HEBP2: variants seen among roughly 807,000 people sequenced by gnomAD.
HEBP2 encodes the protein heme binding protein 2, also known as heme-binding protein 2.
HEBP2 carries 27 observed loss-of-function variants against 23.1 expected under a neutral mutation model. That is an observed-to-expected ratio of 1.17 (90% CI 0.86 to 1.61). The LOEUF is 1.61. Ranked by LOEUF, HEBP2 falls within the 40% of genes most tolerant of loss-of-function variation. HEBP2 has a pLI of 0.00. For synonymous variants in HEBP2, 99 were observed against 95.1 expected, an observed-to-expected ratio of 1.04 and a Z score of -0.24; for missense variants, 245 against 253.8, an observed-to-expected ratio of 0.97 and a Z score of 0.24.
In HEBP2 at chr6:138,413,714, C is replaced by T. The variant is rs901916007; in HGVS notation, c.*636C>T. On this transcript the variant is annotated 3_prime_UTR_variant, in exon 4 of 4. Coordinates refer to ENST00000607197, the MANE Select transcript of HEBP2 (RefSeq NM_014320.3). Reference sequence around the variant, plus strand: ...CCCTAAACATTTCCCTGAACTGTCACGTATTTTCATTCATTCTTTAACTCA... The same window carrying T: ...CCCTAAACATTTCCCTGAACTGTCATGTATTTTCATTCATTCTTTAACTCA... 5.2e-5 allele frequency: 8 copies of T among 152,392 alleles called. No homozygotes were observed. The highest frequency in any genetic ancestry group is 1.3e-4 in the Admixed American group (2 of 15,302). 9.4% of individuals were successfully genotyped at this position (152,392 alleles called of 1,614,324 possible). A position where few individuals can be genotyped will look rare whatever the true frequency, so the allele number is the denominator to read the frequency against.
rs1774875406 is a variant in HEBP2, at chr6:138,418,778, A to C, written c.*5700A>C. ...AAATGGACCTTCACTCAAAGGTGAC[A>C]TTGAAAAACGGGAAAAAAATTGCAA... On this transcript the variant is annotated 3_prime_UTR_variant, in exon 4 of 4. Transcript: ENST00000607197. 6.6e-6 allele frequency: 1 copy of C among 152,168 alleles called. No homozygotes were observed. Among genetic ancestry groups the C allele is most frequent in the African/African-American group, 2.4e-5 (1 of 41,418 alleles). 9.4% of individuals were successfully genotyped at this position (152,168 alleles called of 1,614,324 possible).
In HEBP2 at chr6:138,405,147, C is replaced by G. The variant is rs1562238617; in HGVS notation, c.105C>G (p.Pro35=). 3 of 1,609,504 alleles carry G rather than the reference C, an allele frequency of 1.9e-6. No individual in the cohort carries two copies. The highest frequency in any genetic ancestry group is 2.5e-6 in the Non-Finnish European group (3 of 1,178,800). The part of the protein sequence containing the change: ...WKAPEDAGPQ[P]GSYEIRHYGP... Reference sequence around the variant, plus strand: ...AAGTTTTCTCTGTTCCACTTTAGCCCGGAAGTTATGAGATCCGACACTATG... The same window carrying G: ...AAGTTTTCTCTGTTCCACTTTAGCCGGGAAGTTATGAGATCCGACACTATG... The change falls in exon 2 of 4, where the codon CCC becomes CCG. Residue 35 remains proline, a splice_region_variant and synonymous_variant. Transcript: ENST00000607197.
rs1194330934 is a variant in HEBP2 at position 138,417,235 on chromosome 6, T to C, written c.*4157T>C. ...TAATCCCTGAATGTATAATTGAGAC[T>C]GACATCCTTGGCAGGCAGAATAACC... On this transcript the variant is annotated 3_prime_UTR_variant, in exon 4 of 4. Transcript: ENST00000607197. The C allele has an allele frequency of 2.6e-5, 4 of 152,246 alleles. No individual in the cohort carries two copies. Among genetic ancestry groups the C allele is most frequent in the African/African-American group, 7.2e-5 (3 of 41,464 alleles). The allele number at this position is 152,246 out of a possible 1,614,324, so 9.4% of individuals were successfully genotyped here.
rs1774805891 is a variant in HEBP2, at chr6:138,414,343, G to A, written c.*1265G>A. ...TCAAAAGCATTTAGGAGTCGAGGGA[G>A]CTTTAGTTGTGGGGATGCAGTTACC... is the stretch of plus-strand genomic sequence containing the variant. On this transcript the variant is annotated 3_prime_UTR_variant, in exon 4 of 4. Transcript: ENST00000607197. The A allele has an allele frequency of 6.6e-6, 1 of 152,228 alleles. No individual in the cohort carries two copies. The highest frequency in any genetic ancestry group is 2.1e-4 in the South Asian group (1 of 4,834). 9.4% of individuals were successfully genotyped at this position (152,228 alleles called of 1,614,324 possible).
chr6:138,405,324 C>A, intron 2 of HEBP2, 44 bp downstream of exon 2: 1 of 1,606,336 alleles, frequency 6.2e-7, no homozygotes, highest in Non-Finnish European at 8.5e-7. Context: ...GTGAAAGAGT[C>A]CCCGGGCTTA....
chr6:138,411,352 T>C (rs1428613353), intron 3 of HEBP2, among the ~76,000 whole-genome samples: 1 of 152,228 alleles, frequency 6.6e-6, no homozygotes, highest in Non-Finnish European at 1.5e-5. Flanking sequence ...ATTATATGTC[T>C]GCCTATATTC....
In HEBP2 at chr6:138,420,962, A is replaced by G. The variant is rs1289502401; in HGVS notation, c.*7884A>G. The G allele has an allele frequency of 3.3e-5, 5 of 152,042 alleles. No homozygotes were observed. Among genetic ancestry groups the G allele is most frequent in the Non-Finnish European group, 5.9e-5 (4 of 67,998 alleles). 9.4% of individuals were successfully genotyped at this position (152,042 alleles called of 1,614,324 possible). On this transcript the variant is annotated 3_prime_UTR_variant, in exon 4 of 4. Transcript: ENST00000607197. ...TAGCACATGAGAAGCATTTATTAGG[A>G]CTTTTTTTCCCCCATTGCTGAACAA... is the stretch of plus-strand genomic sequence containing the variant.
rs1774866596 is a variant in HEBP2, at chr6:138,418,043, A to G, written c.*4965A>G. Reference sequence around the variant, plus strand: ...ACTAATTTCAAGAAACTTAACTGTGAATCAGAATAAAACCCAATACCATTT... The same window carrying G: ...ACTAATTTCAAGAAACTTAACTGTGGATCAGAATAAAACCCAATACCATTT... On this transcript the variant is annotated 3_prime_UTR_variant, in exon 4 of 4. Transcript: ENST00000607197. 6.6e-6 allele frequency: 1 copy of G among 152,224 alleles called. No individual in the cohort carries two copies. Among genetic ancestry groups the G allele is most frequent in the African/African-American group, 2.4e-5 (1 of 41,454 alleles). 9.4% of individuals were successfully genotyped at this position (152,224 alleles called of 1,614,324 possible).
At chr6:138,407,716 C>G (rs1294059947) in intron 3 of HEBP2, among the ~76,000 whole-genome samples, 1 of 152,218 alleles carries the variant, frequency 6.6e-6, no homozygotes, top group Non-Finnish European at 1.5e-5. Context: ...GGTCACATAC[C>G]CAAGGCCCTG....
At chr6:138,408,147 AG>A (rs1377552530) in intron 3 of HEBP2, among the ~76,000 whole-genome samples, 1 of 152,156 alleles carries the variant, frequency 6.6e-6, no homozygotes, top group Non-Finnish European at 1.5e-5. Context: ...TCCTTATCAA[AG>A]GGTTGCTTGG....
In HEBP2 at chr6:138,406,080, A is replaced by G. The variant is rs1480383483; in HGVS notation, c.348A>G (p.Gln116=). The G allele has an allele frequency of 1.2e-6, 2 of 1,614,062 alleles. No homozygotes were observed. Among genetic ancestry groups the G allele is most frequent in the Admixed American group, 1.7e-5 (1 of 60,014 alleles). The change falls in exon 3 of 4, where the codon CAA becomes CAG. Residue 116 remains glutamine, a synonymous_variant. Transcript: ENST00000607197. ...TISLYIPSEQ[Q]FDPPRPLESD... ...CCCTGTATATTCCCTCTGAACAGCA[A>G]TTTGATCCACCCAGGCCTTTAGAGT...
Position 138,413,015 on chromosome 6 carries a change from G to A in HEBP2, c.555G>A (p.Leu185=). ...YTAGYNSPVK[L]LNRNNEVWLI... is the part of the protein sequence containing the mutation. ...CAGGCTACAACAGTCCTGTCAAATTGCTTAATAGAAATAATGAAGTGTGGT... is the reference window on the plus strand; with the variant it reads ...CAGGCTACAACAGTCCTGTCAAATTACTTAATAGAAATAATGAAGTGTGGT... The change falls in exon 4 of 4, where the codon TTG becomes TTA. Residue 185 remains leucine, a synonymous_variant. Coordinates refer to ENST00000607197, the MANE Select transcript of HEBP2 (RefSeq NM_014320.3). 1 of 1,613,984 alleles carries A rather than the reference G, an allele frequency of 6.2e-7. No homozygotes were observed. Among genetic ancestry groups the A allele is most frequent in the Non-Finnish European group, 8.5e-7 (1 of 1,179,976 alleles).
At chr6:138,403,742 T>A, upstream of HEBP2, 1 of 405,000 alleles carries the variant, frequency 2.5e-6, no homozygotes, top group Admixed American at 4.4e-5. Context: ...GCCTCGGCAC[T>A]AACTCTCCCC....
Position 138,422,004 on chromosome 6 carries a change from A to G in HEBP2, c.*8926A>G, listed in dbSNP as rs1251095658. The G allele has an allele frequency of 6.6e-6, 1 of 152,212 alleles. No individual in the cohort carries two copies. The highest frequency in any genetic ancestry group is 2.4e-5 in the African/African-American group (1 of 41,452). The allele number at this position is 152,212 out of a possible 1,614,324, so 9.4% of individuals were successfully genotyped here. ...TAAGAACACCTATCTCATTATTCAA[A>G]AAAAATGCATGTATAAACAAAAAGA... On this transcript the variant is annotated 3_prime_UTR_variant, in exon 4 of 4. Transcript: ENST00000607197.
chr6:138,405,392 A>G, intron 2 of HEBP2, 112 bp downstream of exon 2: 1 of 1,340,280 alleles, frequency 7.5e-7, no homozygotes, highest in African/African-American at 1.5e-5. Flanking sequence ...TAAGCAAGTC[A>G]TCAAAGACTT....
chr6:138,411,308 G>A (rs1157335247), intron 3 of HEBP2, among the ~76,000 whole-genome samples: 2 of 152,040 alleles, frequency 1.3e-5, no homozygotes, highest in Non-Finnish European at 2.9e-5. Flanking sequence ...CTTCCCCACA[G>A]CAGCCTCCTG....
chr6:138,403,531 C>G (rs7740623), upstream of HEBP2: 48,941 of 488,430 alleles, frequency 0.1, 4,739 homozygotes, highest in African/African-American at 0.37. Flanking sequence ...GGTCACGTCG[C>G]CCCGGAGAGC....
rs971708441 is a variant in HEBP2 at position 138,404,247 on chromosome 6, G to T, written c.-249G>T. ...TCCCTGTCGCCGCGGAGGGGCGGGG[G>T]CAGGACGCGCAACTCCGGCCGGAGC... On this transcript the variant is annotated 5_prime_UTR_variant, in exon 1 of 4. Transcript: ENST00000607197. The T allele has an allele frequency of 6.4e-6, 2 of 310,644 alleles. No homozygotes were observed. The highest frequency in any genetic ancestry group is 4.4e-5 in the African/African-American group (2 of 45,666). 19.2% of individuals were successfully genotyped at this position (310,644 alleles called of 1,614,324 possible).
upstream of HEBP2, among the ~76,000 whole-genome samples, chr6:138,403,864 C>T (rs1774580619): frequency 6.6e-6 from 1 of 152,232 alleles, no homozygotes; most frequent in Non-Finnish European, 1.5e-5. Context: ...GTCCCACCAC[C>T]TCCTCCGCAA....
Sources: allele counts gnomAD v4.1 joint callset (sites outside exome capture counted in the v4.1 genomes callset), GRCh38; gene constraint gnomAD v4.1.1; transcripts MANE v1.5; gene names NCBI Gene and HGNC (gene_info 2026-07-23, HGNC 2026-07-21).